CYP7B1: variants seen among roughly 807,000 people sequenced by gnomAD.
The protein encoded by CYP7B1 is cytochrome P450 family 7 subfamily B member 1.
A neutral mutation model predicts 42.7 loss-of-function variants in CYP7B1; 29 were observed. That is an observed-to-expected ratio of 0.68 (90% CI 0.51 to 0.93). The LOEUF is 0.93. Ranked by LOEUF, CYP7B1 falls within the 40% of genes least tolerant of loss-of-function variation. The probability of loss-of-function intolerance (pLI) is 0.00; values close to 1 mark genes in which losing one functional copy is unlikely to be tolerated. For missense variants in CYP7B1, 655 were observed against 600.5 expected (o/e 1.09, Z -0.95); for synonymous variants, 235 against 218.2 (o/e 1.08, Z -0.68).
chr8:64,678,651 G>A (rs1273016777), intron 1 of CYP7B1, among the ~76,000 whole-genome samples: 1 of 152,092 alleles, frequency 6.6e-6, no homozygotes, highest in Admixed American at 6.5e-5. Context: ...TTGCCTGCTG[G>A]TCACATACTG....
chr8:64,755,996 A>T (rs1411159615), intron 1 of CYP7B1, among the ~76,000 whole-genome samples: 1 of 152,202 alleles, frequency 6.6e-6, no homozygotes, highest in Non-Finnish European at 1.5e-5. Flanking sequence ...TTTGACCTGC[A>T]GGCTGTAGTC....
chr8:64,673,680 A>C (rs1418566355), intron 1 of CYP7B1, among the ~76,000 whole-genome samples: 1 of 152,084 alleles, frequency 6.6e-6, no homozygotes, highest in Non-Finnish European at 1.5e-5. Context: ...TCCTGCTCTG[A>C]GTAAGATATT....
intron 1 of CYP7B1, among the ~76,000 whole-genome samples, chr8:64,661,020 A>G (rs2129631423): frequency 6.6e-6 from 1 of 152,366 alleles, no homozygotes; most frequent in Non-Finnish European, 1.5e-5. Flanking sequence ...AATTTTCTGA[A>G]AATCGAAGAG....
chr8:64,674,690 T>A (rs1216837532), intron 1 of CYP7B1, among the ~76,000 whole-genome samples: 1 of 151,884 alleles, frequency 6.6e-6, no homozygotes, highest in Non-Finnish European at 1.5e-5. Context: ...CACAGGAGAG[T>A]CTTTCAGGGG....
At chr8:64,755,626 T>A in intron 1 of CYP7B1, among the ~76,000 whole-genome samples, 1 of 151,846 alleles carries the variant, frequency 6.6e-6, no homozygotes, top group Middle Eastern at 3.2e-3. Flanking sequence ...ACCATGTTGG[T>A]CAGGCTGGAG....
At chr8:64,663,034 C>T (rs944076204) in intron 1 of CYP7B1, among the ~76,000 whole-genome samples, 1 of 152,172 alleles carries the variant, frequency 6.6e-6, no homozygotes, top group East Asian at 1.9e-4. Flanking sequence ...TCCCTATACA[C>T]CATATTTACC....
chr8:64,764,229 G>GCCA (rs1807936050), intron 1 of CYP7B1, among the ~76,000 whole-genome samples: 1 of 125,150 alleles, frequency 8.0e-6, no homozygotes, highest in Admixed American at 8.8e-5. Context: ...CTTCCACGCT[G>GCCA]CCCCCCCCAC....
At chr8:64,730,216 C>T (rs1371124537) in intron 1 of CYP7B1, among the ~76,000 whole-genome samples, 1 of 152,044 alleles carries the variant, frequency 6.6e-6, no homozygotes, top group Non-Finnish European at 1.5e-5. Flanking sequence ...CACATGCCAC[C>T]ATGTCCGGCT....
chr8:64,600,650 C>T (rs1805188331), intron 5 of CYP7B1, among the ~76,000 whole-genome samples: 1 of 152,092 alleles, frequency 6.6e-6, no homozygotes, highest in Non-Finnish European at 1.5e-5. Context: ...ACCAGCTTGT[C>T]AGAGTGTGCA....
rs1303202164 is a variant in CYP7B1 at position 64,624,546 on chromosome 8, G to C, written c.123-7C>G. 6.2e-7 allele frequency: 1 copy of C among 1,604,966 alleles called. No homozygotes were observed. Among genetic ancestry groups the C allele is most frequent in the African/African-American group, 1.4e-5 (1 of 73,158 alleles). ...TGGAGGCTCACCGGGTCTCCTACAA[G>C]GAAAAAAAAAAAGATAAAAGAACAA... On this transcript the variant is annotated splice_region_variant and splice_polypyrimidine_tract_variant and intron_variant, in intron 1 of 5. Transcript: ENST00000310193.
chr8:64,605,270 T>A (rs982882840), intron 4 of CYP7B1, among the ~76,000 whole-genome samples: 1 of 152,228 alleles, frequency 6.6e-6, no homozygotes, highest in Non-Finnish European at 1.5e-5. Context: ...ACTTAGCCAT[T>A]TAATAACCAC....
At chr8:64,748,021 T>C (rs1807670376) in intron 1 of CYP7B1, among the ~76,000 whole-genome samples, 1 of 152,190 alleles carries the variant, frequency 6.6e-6, no homozygotes, top group South Asian at 2.1e-4. Context: ...TTTGTTGCTG[T>C]CCTTCCCACC....
At chr8:64,618,636 C>T (rs1392759564) in intron 2 of CYP7B1, among the ~76,000 whole-genome samples, 2 of 151,478 alleles carry the variant, frequency 1.3e-5, no homozygotes, top group South Asian at 2.1e-4. Flanking sequence ...CTATTTCCTC[C>T]TCTCTCCTAT....
chr8:64,608,315 T>C lies in CYP7B1; in HGVS notation c.1058-3458A>G, dbSNP rs549143133. 2.0e-5 allele frequency among the ~76,000 whole-genome samples: 3 copies of C among 152,372 alleles called. No homozygotes were observed. In the East Asian group the frequency reaches 5.8e-4, roughly 29 times the overall value. On this transcript the variant is annotated intron_variant, in intron 4 of 5. Coordinates refer to ENST00000310193, the MANE Select transcript of CYP7B1 (RefSeq NM_004820.5). Reference sequence around the variant, plus strand: ...ATTCTCATTTGCAGATTTACAGCACTAAAGCAGCTTATGACAATCAATAAT... The same window carrying C: ...ATTCTCATTTGCAGATTTACAGCACCAAAGCAGCTTATGACAATCAATAAT...
chr8:64,762,590 C>T (rs1370342897), intron 1 of CYP7B1, among the ~76,000 whole-genome samples: 1 of 152,202 alleles, frequency 6.6e-6, no homozygotes, highest in African/African-American at 2.4e-5. Flanking sequence ...AATGCAATGA[C>T]CTGGGGCTAC....
chr8:64,730,029 T>C (rs904713678), intron 1 of CYP7B1, among the ~76,000 whole-genome samples: 3 of 152,114 alleles, frequency 2.0e-5, no homozygotes, highest in African/African-American at 7.2e-5. Flanking sequence ...TACAGTTTTA[T>C]CACTTTTTGT....
chr8:64,759,608 G>T (rs1394041643), intron 1 of CYP7B1, among the ~76,000 whole-genome samples: 2 of 152,114 alleles, frequency 1.3e-5, no homozygotes, highest in Non-Finnish European at 2.9e-5. Context: ...ACTATGATAT[G>T]AATATGAACT....
intron 4 of CYP7B1, among the ~76,000 whole-genome samples, chr8:64,605,129 G>C (rs142629100): frequency 5.1e-4 from 77 of 152,292 alleles, no homozygotes; most frequent in African/African-American, 1.7e-3. Flanking sequence ...TTTTGTAGGA[G>C]AGGGTGATCT....
chr8:64,790,602 C>T (rs1804601446), intron 1 of CYP7B1, among the ~76,000 whole-genome samples: 1 of 152,174 alleles, frequency 6.6e-6, no homozygotes, highest in Non-Finnish European at 1.5e-5. Context: ...CTATTTTCAA[C>T]TTTCCATAAG....
Sources: gnomAD v4.1 joint callset for allele counts (sites outside exome capture counted in the v4.1 genomes callset) on GRCh38, gnomAD v4.1.1 for gene constraint, MANE v1.5 for transcripts, NCBI Gene and HGNC (gene_info 2026-07-23, HGNC 2026-07-21) for gene names.